The following REX1BD variants were observed in gnomAD, a reference collection of about 807,000 sequenced individuals.
The protein encoded by REX1BD is required for excision 1-B domain-containing protein.
In REX1BD, 22 loss-of-function variants were observed where a neutral mutation model predicts 24.4. The observed-to-expected ratio is 0.90, with a 90% CI of 0.64 to 1.29. REX1BD has a LOEUF of 1.29. REX1BD is among the 50% of genes most tolerant of loss of function. The pLI is 0.00. For missense variants in REX1BD, 293 were observed against 285.3 expected (o/e 1.03, Z -0.19); for synonymous variants, 146 against 125.9 (o/e 1.16, Z -1.07).
intron 3 of REX1BD, 198 bp downstream of exon 3, chr19:18,589,881 CAA>C (rs1976002452): frequency 1.3e-6 from 1 of 781,292 alleles, no homozygotes; most frequent in Non-Finnish European, 1.9e-6. Flanking sequence ...ATTTTTTTCC[CAA>C]GTTTTGTCCT....
At chr19:18,592,036 T>C in intron 4 of REX1BD, 72 bp from the exon 5 acceptor site, 1 of 1,580,428 alleles carries the variant, frequency 6.3e-7, no homozygotes, top group Non-Finnish European at 8.7e-7. Flanking sequence ...GCCACAGCCC[T>C]CTTGCAGCTT....
At position 18,589,500 on chromosome 19, in the gene REX1BD, C is replaced by T. The variant is rs1330145042; in HGVS notation, c.270C>T (p.Arg90=). 3.8e-6 allele frequency: 6 copies of T among 1,570,294 alleles called. No homozygotes were observed. The highest frequency in any genetic ancestry group is 5.2e-6 in the Non-Finnish European group (6 of 1,162,324). Residue 90 remains arginine, a synonymous_variant, in exon 3 of 5, where the codon CGC becomes CGT. Coordinates refer to ENST00000358607, the MANE Select transcript of REX1BD (RefSeq NM_001100418.2). The part of the protein sequence containing the change: ...TCRRGHRQYL[R]SGPDYDFARY... ...GCAGAGGCCACCGCCAGTACCTGCG[C>T]AGCGGCCCTGACTACGACTTCGCGC...
In REX1BD at chr19:18,589,621, C is replaced by T. The variant is rs1418110603; in HGVS notation, c.391C>T (p.Gln131Ter). ...AGCAGAGCTGGGCGGGCCTCGCAGG[C>T]AGCCGCTGCTCGCCGGCCACGTGCG... The part of the protein sequence containing the change: ...VEAELGGPRR[Q>*]PLLAGHVRSL... The change falls in exon 3 of 5, where the codon CAG becomes TAG. Residue 131 changes from glutamine (Q) to a stop codon, truncating the protein, a stop_gained. Transcript: ENST00000358607. LOFTEE classifies it high-confidence loss of function. 3 of 1,526,064 alleles carry T rather than the reference C, an allele frequency of 2.0e-6. No homozygotes were observed. The highest frequency in any genetic ancestry group is 2.5e-5 in the East Asian group (1 of 40,638). The allele number at this position is 1,526,064 out of a possible 1,614,324, so 94.5% of individuals were successfully genotyped here.
In REX1BD at chr19:18,589,720, AC is replaced by A. The variant is rs1408177519; in HGVS notation, c.453+40del. On this transcript the variant is annotated intron_variant, in intron 3 of 4. Transcript: ENST00000358607. ...ACCCCTTCCCCGCCGTGTCTCTAGG[AC>A]CCTGGCCGGCTCCTCTCATGACGCA... The A allele has an allele frequency of 4.9e-6, 7 of 1,440,682 alleles. No homozygotes were observed. The East Asian group carries it at 1.3e-4, about 26-fold the overall frequency. The allele number at this position is 1,440,682 out of a possible 1,614,324, so 89.2% of individuals were successfully genotyped here.
At position 18,588,862 on chromosome 19, in the gene REX1BD, A is replaced by G. The variant is rs1426964619; in HGVS notation, c.61A>G (p.Thr21Ala). The stretch of plus-strand genomic sequence containing the variant: ...TGCAGTGCCTGCTGCTGAGGAGGCC[A>G]CCGAAGCTCGGGGACGCGAGGAGCC... ...VPAVPAAEEA[T>A]EARGREEPAW... The change falls in exon 1 of 5, where the codon ACC becomes GCC. Residue 21 changes from threonine (T) to alanine (A), a missense_variant. By Grantham distance (58) the Thr-to-Ala change is moderately conservative. Transcript: ENST00000358607. 6.5e-7 allele frequency: 1 copy of G among 1,532,976 alleles called. No individual in the cohort carries two copies. Among genetic ancestry groups the G allele is most frequent in the Admixed American group, 2.0e-5 (1 of 50,904 alleles). The allele number at this position is 1,532,976 out of a possible 1,614,324, so 95.0% of individuals were successfully genotyped here. A position where few individuals can be genotyped will look rare whatever the true frequency, so the allele number is the denominator to read the frequency against.
chr19:18,592,300 T>C lies in REX1BD; in HGVS notation c.*120T>C. On this transcript the variant is annotated 3_prime_UTR_variant, in exon 5 of 5. Transcript: ENST00000358607. ...ACTGCGCTGCTGACCTTCCTGCAGTTCCAGACACCTCCCACAATAAAGAGC... is the reference window on the plus strand; with the variant it reads ...ACTGCGCTGCTGACCTTCCTGCAGTCCCAGACACCTCCCACAATAAAGAGC... 1.0e-6 allele frequency: 1 copy of C among 1,004,704 alleles called. No individual in the cohort carries two copies. The highest frequency in any genetic ancestry group is 1.5e-6 in the Non-Finnish European group (1 of 654,798). The allele number at this position is 1,004,704 out of a possible 1,614,324, so 62.2% of individuals were successfully genotyped here.
intron 3 of REX1BD, chr19:18,590,163 C>G (rs1197925409): frequency 6.3e-6 from 1 of 159,530 alleles, no homozygotes; most frequent in African/African-American, 2.4e-5. Flanking sequence ...CTAGGCCACG[C>G]CCCCCATGAG....
At position 18,589,093 on chromosome 19, in the gene REX1BD, G is replaced by C; in HGVS notation, c.182+16G>C. The C allele has an allele frequency of 6.7e-7, 1 of 1,492,288 alleles. No homozygotes were observed. The highest frequency in any genetic ancestry group is 8.9e-7 in the Non-Finnish European group (1 of 1,127,076). The allele number at this position is 1,492,288 out of a possible 1,614,324, so 92.4% of individuals were successfully genotyped here. ...GACTGGAGGAGTGAGTGGGGGCGCGGAGGGGCTCAGGGTTCGGTCCCCCGC... is the reference window on the plus strand; with the variant it reads ...GACTGGAGGAGTGAGTGGGGGCGCGCAGGGGCTCAGGGTTCGGTCCCCCGC... On this transcript the variant is annotated intron_variant, in intron 2 of 4. Coordinates refer to ENST00000358607, the MANE Select transcript of REX1BD (RefSeq NM_001100418.2).
Position 18,592,308 on chromosome 19 carries a change from C to G in REX1BD, c.*128C>G. 1 of 963,362 alleles carries G rather than the reference C, an allele frequency of 1.0e-6. No individual in the cohort carries two copies. Among genetic ancestry groups the G allele is most frequent in the Non-Finnish European group, 1.6e-6 (1 of 622,994 alleles). The allele number at this position is 963,362 out of a possible 1,614,324, so 59.7% of individuals were successfully genotyped here. On this transcript the variant is annotated 3_prime_UTR_variant, in exon 5 of 5. Coordinates refer to ENST00000358607, the MANE Select transcript of REX1BD (RefSeq NM_001100418.2). ...GCTGACCTTCCTGCAGTTCCAGACA[C>G]CTCCCACAATAAAGAGCTCCTCCTC...
chr19:18,592,308 C>T lies in REX1BD; in HGVS notation c.*128C>T, dbSNP rs968536597. 4.2e-6 allele frequency: 4 copies of T among 963,244 alleles called. No individual in the cohort carries two copies. Among genetic ancestry groups the T allele is most frequent in the African/African-American group, 3.2e-5 (2 of 61,880 alleles). 59.7% of individuals were successfully genotyped at this position (963,244 alleles called of 1,614,324 possible). ...GCTGACCTTCCTGCAGTTCCAGACACCTCCCACAATAAAGAGCTCCTCCTC... is the reference window on the plus strand; with the variant it reads ...GCTGACCTTCCTGCAGTTCCAGACATCTCCCACAATAAAGAGCTCCTCCTC... On this transcript the variant is annotated 3_prime_UTR_variant, in exon 5 of 5. Transcript: ENST00000358607.
rs141558344 is a variant in REX1BD at position 18,590,767 on chromosome 19, CCT to C, written c.454-84_454-83del. 945 of 1,328,038 alleles carry C rather than the reference CCT, an allele frequency of 7.1e-4. 6 individuals are homozygous for C. In the African/African-American group the frequency reaches 0.013, roughly 18 times the overall value. The allele number at this position is 1,328,038 out of a possible 1,614,324, so 82.3% of individuals were successfully genotyped here. Reference sequence around the variant, plus strand: ...TACCCGGGCACTGCCTTTCTGGGTGCCTCTGTTTTTTCCTGAACATCCTTGGA... The same window carrying C: ...TACCCGGGCACTGCCTTTCTGGGTGCCTGTTTTTTCCTGAACATCCTTGGA... On this transcript the variant is annotated intron_variant, in intron 3 of 4. Coordinates refer to ENST00000358607, the MANE Select transcript of REX1BD (RefSeq NM_001100418.2).
intron 3 of REX1BD, chr19:18,590,597 C>T: frequency 2.4e-6 from 1 of 417,082 alleles, no homozygotes; most frequent in Non-Finnish European, 4.3e-6. Context: ...ACGGCCAATG[C>T]CTGGCTAAGA....
rs747557742 is a variant in REX1BD, at chr19:18,588,882, G to A, written c.81G>A (p.Glu27=). The part of the protein sequence containing the change: ...AEEATEARGR[E]EPAWPWKDAP... ...AGGCCACCGAAGCTCGGGGACGCGA[G>A]GAGCCGGCGTGGCCCTGGGTGAGCC... Residue 27 remains glutamate, a synonymous_variant, in exon 1 of 5, where the codon GAG becomes GAA. Transcript: ENST00000358607. 2.6e-5 allele frequency: 40 copies of A among 1,532,556 alleles called. No homozygotes were observed. The African/African-American group carries it at 5.2e-4, about 20-fold the overall frequency. 94.9% of individuals were successfully genotyped at this position (1,532,556 alleles called of 1,614,324 possible). A position where few individuals can be genotyped will look rare whatever the true frequency, so the allele number is the denominator to read the frequency against.
At position 18,590,776 on chromosome 19, in the gene REX1BD, T is replaced by C. The variant is rs1458960660; in HGVS notation, c.454-78T>C. On this transcript the variant is annotated intron_variant, in intron 3 of 4. Coordinates refer to ENST00000358607, the MANE Select transcript of REX1BD (RefSeq NM_001100418.2). ...ACTGCCTTTCTGGGTGCCTCTGTTT[T>C]TTCCTGAACATCCTTGGAGGGCAGG... 6 of 1,444,142 alleles carry C rather than the reference T, an allele frequency of 4.2e-6. No homozygotes were observed. The East Asian group carries it at 1.2e-4, about 30-fold the overall frequency. 89.5% of individuals were successfully genotyped at this position (1,444,142 alleles called of 1,614,324 possible). A position where few individuals can be genotyped will look rare whatever the true frequency, so the allele number is the denominator to read the frequency against.
At chr19:18,590,773 T>C in intron 3 of REX1BD, 81 bp from the exon 4 acceptor site, 1 of 1,427,402 alleles carries the variant, frequency 7.0e-7, no homozygotes, top group Non-Finnish European at 9.5e-7. Context: ...GGTGCCTCTG[T>C]TTTTTCCTGA....
At chr19:18,590,963 A>G (rs769914008) in intron 4 of REX1BD, 30 bp downstream of exon 4, 2 of 1,500,210 alleles carry the variant, frequency 1.3e-6, no homozygotes, top group Non-Finnish European at 1.8e-6. Context: ...CCGCCTGGCT[A>G]TGCTCGATTT....
intron 2 of REX1BD, 96 bp from the exon 3 acceptor site, chr19:18,589,317 C>G: frequency 6.5e-7 from 1 of 1,545,300 alleles, no homozygotes; most frequent in Non-Finnish European, 8.7e-7. Flanking sequence ...CAGGGGTGGG[C>G]CTGTCTCGCG....
chr19:18,592,165 G>A lies in REX1BD; in HGVS notation c.591G>A (p.Ala197=), dbSNP rs368463012. Residue 197 remains alanine, a synonymous_variant, in exon 5 of 5, where the codon GCG becomes GCA. Transcript: ENST00000358607. ...SEVLQDLRFD[A]ESAE ...TTCTCCAGGACCTTAGGTTTGATGC[G>A]GAATCTGCCGAGTGATGGCGGCTCC... 91 of 1,613,966 alleles carry A rather than the reference G, an allele frequency of 5.6e-5. No homozygotes were observed. In the Middle Eastern group the frequency reaches 8.2e-4, roughly 15 times the overall value.
intron 2 of REX1BD, 62 bp from the exon 3 acceptor site, chr19:18,589,351 G>A: frequency 6.5e-7 from 1 of 1,549,504 alleles, no homozygotes; most frequent in African/African-American, 1.4e-5. Flanking sequence ...GTCAGGAAGC[G>A]TCCTTCCTAC....
Sources: gnomAD v4.1 joint callset for allele counts on GRCh38, gnomAD v4.1.1 for gene constraint, MANE v1.5 for transcripts, NCBI Gene and HGNC (gene_info 2026-07-23, HGNC 2026-07-21) for gene names.